Variants in CCDC33 observed in about 807,000 individuals in gnomAD.
CCDC33 encodes coiled-coil domain containing 33, also known as coiled-coil domain-containing protein 33.
A neutral mutation model predicts 91.9 loss-of-function variants in CCDC33; 94 were observed. The observed-to-expected ratio is 1.02, with a 90% CI of 0.87 to 1.21. The LOEUF (loss-of-function observed/expected upper bound fraction) is 1.21, where lower values mean the gene tolerates loss of function less well. Among genes scored for constraint, CCDC33 ranks in the 50% most tolerant of loss-of-function variants. The pLI, the probability that CCDC33 is intolerant of heterozygous loss-of-function variation, is 0.00. For synonymous variants in CCDC33, 396 were observed against 374.5 expected, an observed-to-expected ratio of 1.06 and a Z score of -0.66; for missense variants, 940 against 935.5, an observed-to-expected ratio of 1.00 and a Z score of -0.06.
At chr15:74,276,162 C>T (rs1427201736) in intron 7 of CCDC33, among the ~76,000 whole-genome samples, 1 of 152,200 alleles carries the variant, frequency 6.6e-6, no homozygotes, top group Non-Finnish European at 1.5e-5. Context: ...CGGAGCCACC[C>T]GAACCCAAGG....
At chr15:74,247,369 TATAC>T (rs1228598357) in intron 2 of CCDC33, among the ~76,000 whole-genome samples, 280 of 53,282 alleles carry the variant, frequency 5.3e-3, no homozygotes, top group East Asian at 0.023. Context: ...TATATATATA[TATAC>T]ACACACACAC....
intron 2 of CCDC33, among the ~76,000 whole-genome samples, chr15:74,228,013 C>T (rs2074854824): frequency 6.6e-6 from 1 of 152,126 alleles, no homozygotes; most frequent in South Asian, 2.1e-4. Context: ...CCCATCTCCA[C>T]CCCATTACCT....
At chr15:74,220,745 A>G (rs2074566230) in intron 2 of CCDC33, among the ~76,000 whole-genome samples, 1 of 152,184 alleles carries the variant, frequency 6.6e-6, no homozygotes, top group Non-Finnish European at 1.5e-5. Flanking sequence ...CTTTCAAGGG[A>G]GAGGAAAATC....
intron 3 of CCDC33, among the ~76,000 whole-genome samples, chr15:74,263,453 T>G (rs1436626656): frequency 6.6e-6 from 1 of 152,114 alleles, no homozygotes; most frequent in African/African-American, 2.4e-5. Flanking sequence ...CTCCTTGTTC[T>G]CCTCACACAG....
intron 17 of CCDC33, among the ~76,000 whole-genome samples, chr15:74,334,182 A>G (rs1409294608): frequency 1.3e-5 from 2 of 148,498 alleles, no homozygotes; most frequent in Non-Finnish European, 3.0e-5. Context: ...GGTTCAGTGT[A>G]CAACCAGGGT....
intron 11 of CCDC33, among the ~76,000 whole-genome samples, chr15:74,318,811 A>T (rs1289029852): frequency 6.6e-6 from 1 of 152,216 alleles, no homozygotes. Flanking sequence ...TTTGGCCCTT[A>T]GATGCCCGTG....
chr15:74,280,750 G>A lies in CCDC33; in HGVS notation c.972G>A (p.Met324Ile), dbSNP rs1443636442. 3 of 1,578,444 alleles carry A rather than the reference G, an allele frequency of 1.9e-6. No individual in the cohort carries two copies. Among genetic ancestry groups the A allele is most frequent in the East Asian group, 2.4e-5 (1 of 41,614 alleles). Residue 324 changes from methionine (M) to isoleucine (I), a missense_variant, in exon 9 of 19, where the codon ATG becomes ATA. Met to Ile is a conservative substitution (Grantham distance 10). Transcript: ENST00000398814. The stretch of plus-strand genomic sequence containing the variant: ...TAAAGAGCCGTTTGTACCAGAAGAT[G>A]CTGACAGGGAAAGGCTTGGACGGGC... ...LPLKSRLYQKMLTGKGLDGLH... is the reference protein window; with the variant it reads ...LPLKSRLYQKILTGKGLDGLH...
At chr15:74,330,135 G>GGA in intron 11 of CCDC33, 54 bp from the exon 12 acceptor site, 1 of 1,512,602 alleles carries the variant, frequency 6.6e-7, no homozygotes, top group Non-Finnish European at 8.9e-7. Flanking sequence ...TGTGGATGTG[G>GGA]GACCAGGGTT....
chr15:74,277,511 A>T (rs2076480414), intron 7 of CCDC33, among the ~76,000 whole-genome samples: 1 of 152,194 alleles, frequency 6.6e-6, no homozygotes, highest in Non-Finnish European at 1.5e-5. Context: ...CTGAGGGTTA[A>T]TGACATTCCA....
At chr15:74,318,473 G>A (rs2060137717) in intron 11 of CCDC33, 2 of 553,816 alleles carry the variant, frequency 3.6e-6, no homozygotes, top group Non-Finnish European at 6.4e-6. Context: ...AAGGGGAAGT[G>A]GCCCCATGGG....
chr15:74,248,055 C>T lies in CCDC33; in HGVS notation c.185+3907C>T, dbSNP rs561379980. Among the ~76,000 whole-genome samples, 15 of 151,242 alleles carry T rather than the reference C, an allele frequency of 9.9e-5. No individual in the cohort carries two copies. The East Asian group carries it at 1.5e-3, about 16-fold the overall frequency. On this transcript the variant is annotated intron_variant, in intron 2 of 18. Coordinates refer to ENST00000398814, the MANE Select transcript of CCDC33 (RefSeq NM_025055.5). ...CTGTGCCAGTGCACTCCAGCCTGGG[C>T]GACAGAGTGAGACTCCGTCTAAAAA... is the stretch of plus-strand genomic sequence containing the variant.
At chr15:74,254,857 C>T (rs1195080156) in intron 2 of CCDC33, among the ~76,000 whole-genome samples, 2 of 151,226 alleles carry the variant, frequency 1.3e-5, no homozygotes, top group African/African-American at 4.9e-5. Flanking sequence ...AAGCAATTCT[C>T]CTGCCTCAGC....
chr15:74,208,065 G>T (rs889617284), intron 1 of CCDC33: 85 of 1,269,484 alleles, frequency 6.7e-5, no homozygotes, highest in Non-Finnish European at 8.2e-5. Flanking sequence ...AAAGGATTTA[G>T]ACCAGGCTGT....
chr15:74,221,480 A>AC, intron 2 of CCDC33: 2 of 191,680 alleles, frequency 1.0e-5, no homozygotes, highest in Non-Finnish European at 1.9e-5. Context: ...AATGCTGGTC[A>AC]CAGCATTCCC....
At chr15:74,331,444 G>A (rs2060437140) in intron 15 of CCDC33, 148 bp downstream of exon 15, 4 of 772,174 alleles carry the variant, frequency 5.2e-6, no homozygotes, top group Non-Finnish European at 8.3e-6. Context: ...ACCCAGGATT[G>A]CCCTGCTCCC....
chr15:74,251,798 A>ATGAGCTC (rs1467298447), intron 2 of CCDC33, among the ~76,000 whole-genome samples: 1 of 152,198 alleles, frequency 6.6e-6, no homozygotes, highest in Non-Finnish European at 1.5e-5. Flanking sequence ...TGGTCACAGG[A>ATGAGCTC]TGAGCTCTGA....
At chr15:74,263,523 G>A (rs2076083797) in intron 3 of CCDC33, among the ~76,000 whole-genome samples, 1 of 152,212 alleles carries the variant, frequency 6.6e-6, no homozygotes, top group Non-Finnish European at 1.5e-5. Flanking sequence ...GGGAGCCTCC[G>A]TAAAAGGGGA....
intron 3 of CCDC33, among the ~76,000 whole-genome samples, chr15:74,266,426 C>G (rs1001414328): frequency 3.3e-5 from 5 of 152,158 alleles, no homozygotes; most frequent in Non-Finnish European, 7.3e-5. Flanking sequence ...AGTTTCTAGA[C>G]CATGGGAGAA....
At chr15:74,250,976 A>C (rs547703046) in intron 2 of CCDC33, among the ~76,000 whole-genome samples, 77 of 152,316 alleles carry the variant, frequency 5.1e-4, no homozygotes, top group Middle Eastern at 6.8e-3. Flanking sequence ...TATCATAAGA[A>C]AGCCACAGGA....
Sources: gnomAD v4.1 joint callset for allele counts (sites outside exome capture counted in the v4.1 genomes callset) on GRCh38, gnomAD v4.1.1 for gene constraint, MANE v1.5 for transcripts, NCBI Gene and HGNC (gene_info 2026-07-23, HGNC 2026-07-21) for gene names.